Variants in SCUBE3 observed in about 807,000 individuals in gnomAD.
The protein encoded by SCUBE3 is signal peptide, CUB and EGF-like domain-containing protein 3.
A neutral mutation model predicts 116.8 loss-of-function variants in SCUBE3; 33 were observed. The ratio of observed to expected loss-of-function variants is 0.28; its 90% CI spans 0.21 to 0.38. The LOEUF (loss-of-function observed/expected upper bound fraction) is 0.38, where lower values mean the gene tolerates loss of function less well. Ranked by LOEUF, SCUBE3 falls within the 10% of genes least tolerant of loss-of-function variation. The probability of loss-of-function intolerance (pLI) is 1.00; values close to 1 mark genes in which losing one functional copy is unlikely to be tolerated. For missense variants in SCUBE3, 1,007 were observed against 1,324.8 expected (o/e 0.76, Z 3.72); for synonymous variants, 418 against 496.9 (o/e 0.84, Z 2.11).
In SCUBE3 at chr6:35,227,464, G is replaced by A; in HGVS notation, c.86-116G>A. ...TGTGAGACAGCACCTGTTTCTGGAG[G>A]GGGTCACTGCCTCTGTTTTAGAGAA... On this transcript the variant is annotated intron_variant, in intron 1 of 21. Coordinates refer to ENST00000274938, the MANE Select transcript of SCUBE3 (RefSeq NM_152753.4). 4.7e-6 allele frequency: 5 copies of A among 1,053,256 alleles called. No homozygotes were observed. The Middle Eastern group carries it at 8.7e-4, about 184-fold the overall frequency. The allele number at this position is 1,053,256 out of a possible 1,614,324, so 65.2% of individuals were successfully genotyped here. A position where few individuals can be genotyped will look rare whatever the true frequency, so the allele number is the denominator to read the frequency against.
At chr6:35,218,226 TCACA>T (rs1355320954) in intron 1 of SCUBE3, 2 of 778,994 alleles carry the variant, frequency 2.6e-6, no homozygotes, top group East Asian at 2.5e-4. Context: ...AAGTGTGCAT[TCACA>T]CACGTGTGAA....
intron 1 of SCUBE3, among the ~76,000 whole-genome samples, chr6:35,226,928 A>G (rs1783353673): frequency 6.6e-6 from 1 of 152,188 alleles, no homozygotes; most frequent in Non-Finnish European, 1.5e-5. Context: ...GAAGGGCTGC[A>G]CTTATTAGGC....
At chr6:35,225,480 C>T (rs545690609) in intron 1 of SCUBE3, among the ~76,000 whole-genome samples, 67 of 152,312 alleles carry the variant, frequency 4.4e-4, no homozygotes, top group African/African-American at 1.5e-3. Context: ...CATTCTGTCA[C>T]GTTGGGATGA....
In SCUBE3 at chr6:35,241,509, CAT is replaced by C; in HGVS notation, c.1196-33_1196-32del. 1.4e-6 allele frequency: 2 copies of C among 1,428,124 alleles called. No individual in the cohort carries two copies. The highest frequency in any genetic ancestry group is 2.0e-6 in the Non-Finnish European group (2 of 1,010,502). 88.5% of individuals were successfully genotyped at this position (1,428,124 alleles called of 1,614,324 possible). A position where few individuals can be genotyped will look rare whatever the true frequency, so the allele number is the denominator to read the frequency against. The stretch of plus-strand genomic sequence containing the variant: ...ATTACCCAACTGAGGGAAAGGAATG[CAT>C]TCATTTGCTCAGGCCTCTCTCCCCT... On this transcript the variant is annotated intron_variant, in intron 10 of 21. Transcript: ENST00000274938. The surrounding 1 kb of genome is among the most constrained non-coding windows in gnomAD (Gnocchi z 4.1).
At chr6:35,224,655 A>C (rs1021205325) in intron 1 of SCUBE3, 3 of 151,514 alleles carry the variant, frequency 2.0e-5, no homozygotes, top group African/African-American at 7.4e-5. Context: ...AAAAAAAAAA[A>C]AGAATCTGCT....
rs1341045847 is a variant in SCUBE3 at position 35,239,303 on chromosome 6, C to T, written c.830-449C>T. 1.3e-5 allele frequency among the ~76,000 whole-genome samples: 2 copies of T among 152,140 alleles called. No homozygotes were observed. The highest frequency in any genetic ancestry group is 4.8e-5 in the African/African-American group (2 of 41,426). On this transcript the variant is annotated intron_variant, in intron 7 of 21. Transcript: ENST00000274938. The surrounding 1 kb of genome is among the most constrained non-coding windows in gnomAD (Gnocchi z 4.1). ...TCAGTGAGTCCCTTTAGACCCTCCA[C>T]CTCTCCTTGCCCCGCACCCCCCCAA...
chr6:35,221,661 G>GTGAATGAA (rs34179166), intron 1 of SCUBE3: 6 of 151,764 alleles, frequency 4.0e-5, no homozygotes, highest in Non-Finnish European at 7.4e-5. Flanking sequence ...GAGTGAGTGA[G>GTGAATGAA]TGAATGAATG....
rs1259284787 is a variant in SCUBE3 at position 35,244,728 on chromosome 6, A to C, written c.2318A>C (p.Asp773Ala). ...TGTGCCATGGGCTCCTATCAGCCCGACTTCCGTCAGAACTTCTGCAGCCGC... is the reference window on the plus strand; with the variant it reads ...TGTGCCATGGGCTCCTATCAGCCCGCCTTCCGTCAGAACTTCTGCAGCCGC... ...IRCAMGSYQP[D>A]FRQNFCSRCP... The change falls in exon 18 of 22, where the codon GAC becomes GCC. Residue 773 changes from aspartate to alanine, a missense_variant. Asp to Ala is a moderately radical substitution (Grantham distance 126). Around this residue, in one of 5 missense-constraint regions of SCUBE3, gnomAD observed 544 missense variants for 638.9 expected, o/e 0.85. Coordinates refer to ENST00000274938, the MANE Select transcript of SCUBE3 (RefSeq NM_152753.4). The surrounding 1 kb of genome is among the most constrained non-coding windows in gnomAD (Gnocchi z 4.3). 3.1e-6 allele frequency: 5 copies of C among 1,614,060 alleles called. No homozygotes were observed. Among genetic ancestry groups the C allele is most frequent in the Non-Finnish European group, 4.2e-6 (5 of 1,180,032 alleles).
Position 35,244,515 on chromosome 6 carries a change from G to T in SCUBE3, c.2240-135G>T. On this transcript the variant is annotated intron_variant, in intron 17 of 21. Coordinates refer to ENST00000274938, the MANE Select transcript of SCUBE3 (RefSeq NM_152753.4). The surrounding 1 kb of genome is among the most constrained non-coding windows in gnomAD (Gnocchi z 4.3). ...CTTAAATTCTGGCATGACTGGGAAA[G>T]ATTGAGACCCTAGAAAAGAACTTTG... The T allele has an allele frequency of 1.3e-6, 1 of 769,340 alleles. No homozygotes were observed. Among genetic ancestry groups the T allele is most frequent in the Non-Finnish European group, 2.2e-6 (1 of 459,340 alleles). 47.7% of individuals were successfully genotyped at this position (769,340 alleles called of 1,614,324 possible).
chr6:35,242,653 C>T lies in SCUBE3; in HGVS notation c.1566C>T (p.Thr522=), dbSNP rs748953132. The T allele has an allele frequency of 4.3e-6, 7 of 1,613,484 alleles. No individual in the cohort carries two copies. Among genetic ancestry groups the T allele is most frequent in the Non-Finnish European group, 5.9e-6 (7 of 1,179,454 alleles). Residue 522 remains threonine (T), a synonymous_variant, in exon 14 of 22, where the codon ACC becomes ACT. Coordinates refer to ENST00000274938, the MANE Select transcript of SCUBE3 (RefSeq NM_152753.4). The part of the protein sequence containing the change: ...GGAPCSECQV[T]FIHLKCDSSR... ...CCCCCTGCTCTGAATGCCAGGTCAC[C>T]TTCATCCACCTTAAGTGTGACTCCT...
At chr6:35,217,663 T>G (rs1433699586) in intron 1 of SCUBE3, among the ~76,000 whole-genome samples, 1 of 152,070 alleles carries the variant, frequency 6.6e-6, no homozygotes, top group Non-Finnish European at 1.5e-5. Flanking sequence ...GTGAGGGGAC[T>G]GTTCCTACTA....
intron 3 of SCUBE3, among the ~76,000 whole-genome samples, chr6:35,229,375 G>A (rs1019351587): frequency 3.9e-5 from 6 of 152,140 alleles, no homozygotes; most frequent in East Asian, 3.9e-4. Context: ...GTGTCACTGC[G>A]CTCCAGATCG....
At chr6:35,223,238 A>G (rs2150287289) in intron 1 of SCUBE3, 1 of 152,340 alleles carries the variant, frequency 6.6e-6, no homozygotes, top group Middle Eastern at 3.4e-3. Context: ...CACTTTCTAT[A>G]TGCCCACACT....
In SCUBE3 at chr6:35,241,772, G is replaced by A; in HGVS notation, c.1313-34G>A. 6.4e-7 allele frequency: 1 copy of A among 1,570,040 alleles called. No homozygotes were observed. The highest frequency in any genetic ancestry group is 8.8e-7 in the Non-Finnish European group (1 of 1,139,912). ...CCTCCAGCCAGCGGGGGTTGGGAAG[G>A]CAGGTCAGAACTGTGACAGGCTCCT... On this transcript the variant is annotated intron_variant, in intron 11 of 21. Coordinates refer to ENST00000274938, the MANE Select transcript of SCUBE3 (RefSeq NM_152753.4). This position sits in a 1 kb window ranked among gnomAD's most constrained non-coding sequence, Gnocchi z 4.1.
chr6:35,226,657 A>G (rs889413708), intron 1 of SCUBE3, among the ~76,000 whole-genome samples: 2 of 151,502 alleles, frequency 1.3e-5, no homozygotes, highest in African/African-American at 4.9e-5. Flanking sequence ...TAATTTTTGT[A>G]TTTTTAGTAG....
At chr6:35,236,081 TCA>T (rs1217625735) in intron 6 of SCUBE3, among the ~76,000 whole-genome samples, 7 of 152,216 alleles carry the variant, frequency 4.6e-5, no homozygotes, top group South Asian at 4.1e-4. Context: ...TCTCTGATCC[TCA>T]GTTTACTTTT....
At chr6:35,229,021 T>G (rs1783429798) in intron 3 of SCUBE3, among the ~76,000 whole-genome samples, 1 of 152,178 alleles carries the variant, frequency 6.6e-6, no homozygotes, top group Non-Finnish European at 1.5e-5. Flanking sequence ...GAAGCTGATT[T>G]GGCTCCACAC....
intron 1 of SCUBE3, among the ~76,000 whole-genome samples, chr6:35,226,479 CCT>C (rs1491145558): frequency 1.9e-5 from 1 of 52,168 alleles, no homozygotes; most frequent in Non-Finnish European, 4.2e-5. Context: ...TTTTCTATGT[CCT>C]TTTTTTTTTT....
Position 35,244,893 on chromosome 6 carries a change from C to T in SCUBE3, c.2401+82C>T, listed in dbSNP as rs1784263875. 7.3e-6 allele frequency: 10 copies of T among 1,370,176 alleles called. No homozygotes were observed. The Admixed American group carries it at 1.2e-4, about 17-fold the overall frequency. The allele number at this position is 1,370,176 out of a possible 1,614,324, so 84.9% of individuals were successfully genotyped here. A position where few individuals can be genotyped will look rare whatever the true frequency, so the allele number is the denominator to read the frequency against. On this transcript the variant is annotated intron_variant, in intron 18 of 21. Coordinates refer to ENST00000274938, the MANE Select transcript of SCUBE3 (RefSeq NM_152753.4). This position sits in a 1 kb window ranked among gnomAD's most constrained non-coding sequence, Gnocchi z 4.3. Reference sequence around the variant, plus strand: ...ATCTAAAGGAGGGGTGTGAAACCAACAGGGAGCAGGGCTGGGGGGTGGAGG... The same window carrying T: ...ATCTAAAGGAGGGGTGTGAAACCAATAGGGAGCAGGGCTGGGGGGTGGAGG...
Sources: gnomAD v4.1 joint callset for allele counts (sites outside exome capture counted in the v4.1 genomes callset) on GRCh38, gnomAD v4.1.1 for gene constraint, gnomAD v4.1.1 regional missense constraint, Gnocchi (gnomAD v3.1) non-coding constraint, MANE v1.5 for transcripts, NCBI Gene and HGNC (gene_info 2026-07-23, HGNC 2026-07-21) for gene names.